The following ZNF217 variants were observed in gnomAD, a reference collection of about 807,000 sequenced individuals.
ZNF217 encodes zinc finger protein 217.
A neutral mutation model predicts 73.3 loss-of-function variants in ZNF217; 12 were observed. The observed-to-expected ratio is 0.16, with a 90% CI of 0.10 to 0.27. The LOEUF (loss-of-function observed/expected upper bound fraction) is 0.27, where lower values mean the gene tolerates loss of function less well. Among genes scored for constraint, ZNF217 ranks in the 10% least tolerant of loss-of-function variants. The pLI is 1.00. For synonymous variants in ZNF217, 588 were observed against 516.4 expected (o/e 1.14, Z -1.88); for missense variants, 1,195 against 1,327.8 (o/e 0.90, Z 1.55).
Position 53,581,328 on chromosome 20 carries a change from A to C in ZNF217, c.1366+133T>G. ...ACTTACACAGAGTGATACCAAAAAG[A>C]GCCTGGACTTGACTCTGGCTCTCCA... On this transcript the variant is annotated intron_variant, in intron 2 of 5. Coordinates refer to ENST00000371471, the MANE Select transcript of ZNF217 (RefSeq NM_006526.3). The surrounding 1 kb of genome is among the most constrained non-coding windows in gnomAD (Gnocchi z 4.9). 2 of 1,271,326 alleles carry C rather than the reference A, an allele frequency of 1.6e-6. No homozygotes were observed. The highest frequency in any genetic ancestry group is 2.1e-6 in the Non-Finnish European group (2 of 938,288). The allele number at this position is 1,271,326 out of a possible 1,614,324, so 78.8% of individuals were successfully genotyped here.
upstream of ZNF217, among the ~76,000 whole-genome samples, chr20:53,594,843 C>G (rs1361110890): frequency 6.6e-6 from 1 of 152,108 alleles, no homozygotes; most frequent in Admixed American, 6.5e-5. Context: ...AGATTTTCTT[C>G]AAGCTTGAGG....
intron 1 of ZNF217, among the ~76,000 whole-genome samples, chr20:53,584,759 A>G (rs1211790808): frequency 6.6e-6 from 1 of 152,184 alleles, no homozygotes; most frequent in Non-Finnish European, 1.5e-5. Context: ...ATATTCAATT[A>G]CTCTGCTAAT....
Position 53,576,672 on chromosome 20 carries a change from G to A in ZNF217, c.2092C>T (p.Pro698Ser). The A allele has an allele frequency of 6.2e-7, 1 of 1,614,200 alleles. No homozygotes were observed. The highest frequency in any genetic ancestry group is 8.5e-7 in the Non-Finnish European group (1 of 1,180,038). ...NLSVGALHNC[P>S]AISLSKSLIP... ...AAACTTTTACTCAAAGAAATTGCCGGGCAATTGTGAAGAGCCCCCACGGAT... is the reference window on the plus strand; with the variant it reads ...AAACTTTTACTCAAAGAAATTGCCGAGCAATTGTGAAGAGCCCCCACGGAT... Residue 698 changes from proline to serine, a missense_variant, in exon 4 of 6, where the codon CCG becomes TCG. By Grantham distance (74) the Pro-to-Ser change is moderately conservative. Coordinates refer to ENST00000371471, the MANE Select transcript of ZNF217 (RefSeq NM_006526.3).
chr20:53,578,091 G>A (rs182918310), intron 3 of ZNF217, among the ~76,000 whole-genome samples: 1 of 152,070 alleles, frequency 6.6e-6, no homozygotes, highest in Admixed American at 6.6e-5. Context: ...CAGCCGAGGT[G>A]ACAGAGCAAG....
chr20:53,597,083 CAAAAAAAAAAAAAGAAA>C (rs1877876831), upstream of ZNF217, among the ~76,000 whole-genome samples: 3 of 120,794 alleles, frequency 2.5e-5, no homozygotes, highest in Admixed American at 1.8e-4. Flanking sequence ...AGTAACATAA[CAAAAAAAAAAAAAGAAA>C]AAAAAAAAAA....
chr20:53,569,269 G>C lies in ZNF217; in HGVS notation c.*24-5C>G, dbSNP rs771401387. Reference sequence around the variant, plus strand: ...AGCACTGACATCCACCAAGACCTAAGGAAAACAACATTTTTTAAATGATTA... The same window carrying C: ...AGCACTGACATCCACCAAGACCTAACGAAAACAACATTTTTTAAATGATTA... On this transcript the variant is annotated splice_region_variant and splice_polypyrimidine_tract_variant and intron_variant, in intron 5 of 5. Coordinates refer to ENST00000371471, the MANE Select transcript of ZNF217 (RefSeq NM_006526.3). 17 of 1,310,046 alleles carry C rather than the reference G, an allele frequency of 1.3e-5. No individual in the cohort carries two copies. The East Asian group carries it at 7.1e-4, about 55-fold the overall frequency. 81.2% of individuals were successfully genotyped at this position (1,310,046 alleles called of 1,614,324 possible). A position where few individuals can be genotyped will look rare whatever the true frequency, so the allele number is the denominator to read the frequency against.
chr20:53,586,258 G>A (rs771348530), intron 1 of ZNF217, among the ~76,000 whole-genome samples: 4 of 152,162 alleles, frequency 2.6e-5, no homozygotes, highest in Non-Finnish European at 5.9e-5. Flanking sequence ...TAGCACACGT[G>A]TAGAATCAGT....
At chr20:53,573,844 G>A (rs1438518441) in intron 4 of ZNF217, among the ~76,000 whole-genome samples, 1 of 152,298 alleles carries the variant, frequency 6.6e-6, no homozygotes, top group East Asian at 1.9e-4. Context: ...GCCAAGACAG[G>A]AGGATCACCT....
At chr20:53,589,903 C>A (rs1317903423) in intron 1 of ZNF217, among the ~76,000 whole-genome samples, 2 of 134,326 alleles carry the variant, frequency 1.5e-5, no homozygotes, top group East Asian at 2.6e-4. Context: ...ACACCCCTCC[C>A]CCCCGCAGAA....
chr20:53,592,130 C>T (rs1039562911), intron 1 of ZNF217, among the ~76,000 whole-genome samples: 2 of 152,188 alleles, frequency 1.3e-5, no homozygotes, highest in African/African-American at 4.8e-5. Flanking sequence ...TTAAAACATA[C>T]AGCTTAATGC....
chr20:53,592,935 C>G (rs1988933013), intron 1 of ZNF217, among the ~76,000 whole-genome samples: 1 of 151,892 alleles, frequency 6.6e-6, no homozygotes, highest in Non-Finnish European at 1.5e-5. Flanking sequence ...CTGCTTCCAG[C>G]TGGCTTTGGG....
At chr20:53,573,155 C>T (rs1475298997) in intron 4 of ZNF217, among the ~76,000 whole-genome samples, 1 of 146,340 alleles carries the variant, frequency 6.8e-6, no homozygotes, top group Non-Finnish European at 1.5e-5. Context: ...TGGAGTCTCG[C>T]TCTGTCGCCC....
chr20:53,597,090 A>AG (rs1479889264), upstream of ZNF217, among the ~76,000 whole-genome samples: 59 of 151,500 alleles, frequency 3.9e-4, no homozygotes, highest in Admixed American at 9.9e-4. Flanking sequence ...TAACAAAAAA[A>AG]AAAAAAGAAA....
rs556834037 is a variant in ZNF217, at chr20:53,569,054, T to C, written c.*234A>G. ...TAGAGATTTCCAGTCCCCATGTATG[T>C]AAGTTCCAACTGTTCCAACTAGTTT... is the stretch of plus-strand genomic sequence containing the variant. On this transcript the variant is annotated 3_prime_UTR_variant, in exon 6 of 6. Transcript: ENST00000371471. 6.3e-5 allele frequency: 68 copies of C among 1,086,730 alleles called. No homozygotes were observed. The South Asian group carries it at 1.3e-3, about 21-fold the overall frequency. 67.3% of individuals were successfully genotyped at this position (1,086,730 alleles called of 1,614,324 possible). A position where few individuals can be genotyped will look rare whatever the true frequency, so the allele number is the denominator to read the frequency against.
chr20:53,594,469 G>T (rs1319224581), upstream of ZNF217, among the ~76,000 whole-genome samples: 1 of 150,856 alleles, frequency 6.6e-6, no homozygotes, highest in African/African-American at 2.4e-5. Context: ...CCTCCGGGAC[G>T]GGAGCGAGCG....
At position 53,571,732 on chromosome 20, in the gene ZNF217, CT is replaced by C. The variant is rs747524715; in HGVS notation, c.*11del. 20 of 1,604,996 alleles carry C rather than the reference CT, an allele frequency of 1.2e-5. No individual in the cohort carries two copies. The South Asian group carries it at 1.9e-4, about 15-fold the overall frequency. ...AAACATATGCTCACCTTTTTTCCCCCTAATTAGTGAATCAAGTTTTTTTGTC... is the reference window on the plus strand; with the variant it reads ...AAACATATGCTCACCTTTTTTCCCCCAATTAGTGAATCAAGTTTTTTTGTC... On this transcript the variant is annotated 3_prime_UTR_variant, in exon 5 of 6. Coordinates refer to ENST00000371471, the MANE Select transcript of ZNF217 (RefSeq NM_006526.3).
In ZNF217 at chr20:53,575,932, C is replaced by A. The variant is rs773801084; in HGVS notation, c.2832G>T (p.Lys944Asn). ...ATGTGATGCCTCTGACCATATGGTA[C>A]TTGGGAAGGTCATAGCCTCTTCTGT... ...ANYRRGYDLP[K>N]YHMVRGITSL... is the part of the protein sequence containing the mutation. The change falls in exon 4 of 6, where the codon AAG (lysine) becomes AAT (asparagine). Residue 944 changes from lysine to asparagine, a missense_variant. Lys to Asn is a moderately conservative substitution (Grantham distance 94). Transcript: ENST00000371471. 4 of 1,614,212 alleles carry A rather than the reference C, an allele frequency of 2.5e-6. No individual in the cohort carries two copies. In the African/African-American group the frequency reaches 5.3e-5, roughly 22 times the overall value.
At chr20:53,592,227 G>T (rs1988898938) in intron 1 of ZNF217, among the ~76,000 whole-genome samples, 2 of 152,136 alleles carry the variant, frequency 1.3e-5, no homozygotes, top group Admixed American at 6.5e-5. Flanking sequence ...ACTGGCCAGT[G>T]GACCACTGCA....
Position 53,582,194 on chromosome 20 carries a change from G to A in ZNF217, c.633C>T (p.Ile211=). The A allele has an allele frequency of 6.2e-7, 1 of 1,614,044 alleles. No homozygotes were observed. The highest frequency in any genetic ancestry group is 8.5e-7 in the Non-Finnish European group (1 of 1,180,048). The part of the protein sequence containing the change: ...EVVQVHAAES[I]SSPYKICMVC... ...CCATGCAGATTTTGTAAGGAGAGGA[G>A]ATGCTCTCGGCCGCGTGCACCTGGA... Residue 211 remains isoleucine (I), a synonymous_variant, in exon 2 of 6, where the codon ATC becomes ATT. Coordinates refer to ENST00000371471, the MANE Select transcript of ZNF217 (RefSeq NM_006526.3). The surrounding 1 kb of genome is among the most constrained non-coding windows in gnomAD (Gnocchi z 4.8).
Sources: gnomAD v4.1 joint callset for allele counts (sites outside exome capture counted in the v4.1 genomes callset) on GRCh38, gnomAD v4.1.1 for gene constraint, Gnocchi (gnomAD v3.1) non-coding constraint, MANE v1.5 for transcripts, NCBI Gene and HGNC (gene_info 2026-07-23, HGNC 2026-07-21) for gene names.